Variants in ZNF521 observed in about 807,000 individuals in gnomAD.
ZNF521 encodes LYST-interacting protein 3.
In ZNF521, 14 loss-of-function variants were observed where a neutral mutation model predicts 105.5. The ratio of observed to expected loss-of-function variants is 0.13; its 90% CI spans 0.09 to 0.21. The LOEUF is 0.21. Among genes scored for constraint, ZNF521 ranks in the 10% least tolerant of loss-of-function variants. The pLI, the probability that ZNF521 is intolerant of heterozygous loss-of-function variation, is 1.00. For synonymous variants in ZNF521, 635 were observed against 606.0 expected (o/e 1.05, Z -0.70); for missense variants, 1,233 against 1,629.7 (o/e 0.76, Z 4.19).
intron 5 of ZNF521, among the ~76,000 whole-genome samples, chr18:25,099,823 T>A (rs2033930637): frequency 6.6e-6 from 1 of 152,224 alleles, no homozygotes; most frequent in Non-Finnish European, 1.5e-5. Context: ...TATATTTACC[T>A]TTGAGTACTG....
Position 25,224,738 on chromosome 18 carries a change from G to C in ZNF521, c.3180C>G (p.His1060Gln), listed in dbSNP as rs369504383. ...ATGCGCACTTATACAGTTTTTGGAC[G>C]TGCTGGCCCCGCCCTGTGGTCTGAA... Reference protein sequence around the residue: ...SAVQTTGRGQHVQKLYKCASC... With the variant: ...SAVQTTGRGQQVQKLYKCASC... The change falls in exon 4 of 8, where the codon CAC (histidine) becomes CAG (glutamine). Residue 1060 changes from histidine (H) to glutamine (Q), a missense_variant. Transcript: ENST00000361524. The C allele has an allele frequency of 4.3e-6, 7 of 1,613,912 alleles. No homozygotes were observed. In the East Asian group the frequency reaches 1.6e-4, roughly 36 times the overall value.
At chr18:25,349,227 A>G (rs1914593855) in intron 2 of ZNF521, among the ~76,000 whole-genome samples, 1 of 152,080 alleles carries the variant, frequency 6.6e-6, no homozygotes, top group Non-Finnish European at 1.5e-5. Context: ...GCTCAGCGTT[A>G]CTTTCAAGAA....
intron 7 of ZNF521, among the ~76,000 whole-genome samples, chr18:25,075,256 G>C (rs2033332953): frequency 6.6e-6 from 1 of 152,140 alleles, no homozygotes; most frequent in South Asian, 2.1e-4. Flanking sequence ...ATTTATAAAA[G>C]AATAACTTCA....
intron 7 of ZNF521, among the ~76,000 whole-genome samples, chr18:25,075,139 G>C (rs1246426899): frequency 6.6e-6 from 1 of 152,140 alleles, no homozygotes; most frequent in African/African-American, 2.4e-5. Context: ...TGCATAAAGG[G>C]CCAGGCAACG....
At chr18:25,327,768 A>C (rs1913314304) in intron 2 of ZNF521, 2 of 498,908 alleles carry the variant, frequency 4.0e-6, no homozygotes, top group African/African-American at 3.9e-5. Context: ...CTAATGAAGG[A>C]AGGCAGCATT....
At position 25,347,365 on chromosome 18, in the gene ZNF521, T is replaced by C. The variant is rs946006685; in HGVS notation, c.40+3542A>G. ...ATTCGTACCATAAGGACAGAATAAG[T>C]TTGTCAACTTTGTATGTGGGCTGAT... is the stretch of plus-strand genomic sequence containing the variant. On this transcript the variant is annotated intron_variant, in intron 2 of 7. Coordinates refer to ENST00000361524, the MANE Select transcript of ZNF521 (RefSeq NM_015461.3). Among the ~76,000 whole-genome samples the C allele has an allele frequency of 2.0e-5, 3 of 152,182 alleles. No individual in the cohort carries two copies. The South Asian group carries it at 6.2e-4, about 31-fold the overall frequency.
chr18:25,298,498 T>C (rs1911447798), intron 3 of ZNF521, among the ~76,000 whole-genome samples: 1 of 152,208 alleles, frequency 6.6e-6, no homozygotes, highest in Non-Finnish European at 1.5e-5. Flanking sequence ...TCCTTCCTTC[T>C]TCCTGCCTAT....
At chr18:25,281,516 A>G (rs1910380087) in intron 3 of ZNF521, among the ~76,000 whole-genome samples, 1 of 152,224 alleles carries the variant, frequency 6.6e-6, no homozygotes, top group Non-Finnish European at 1.5e-5. Context: ...GACTTACTCT[A>G]CATAGTAACA....
intron 5 of ZNF521, among the ~76,000 whole-genome samples, chr18:25,170,868 A>G (rs1188734634): frequency 6.6e-6 from 1 of 152,076 alleles, no homozygotes; most frequent in Non-Finnish European, 1.5e-5. Context: ...TGCATTTATG[A>G]GTTAAAAATT....
chr18:25,154,752 C>A (rs1365530878), intron 5 of ZNF521, among the ~76,000 whole-genome samples: 2 of 152,116 alleles, frequency 1.3e-5, no homozygotes, highest in Non-Finnish European at 2.9e-5. Context: ...TAGAAATTGT[C>A]TAGTACACAC....
In ZNF521 at chr18:25,332,058, A is replaced by G. The variant is rs1029526342; in HGVS notation, c.41-9871T>C. On this transcript the variant is annotated intron_variant, in intron 2 of 7. Transcript: ENST00000361524. ...TTTATTTCACCCAGGAACATGAAAA[A>G]ATGTTGGGTTTTTTCTTTCTTTTTC... is the stretch of plus-strand genomic sequence containing the variant. 4.4e-5 allele frequency among the ~76,000 whole-genome samples: 6 copies of G among 135,044 alleles called. No individual in the cohort carries two copies. The East Asian group carries it at 1.2e-3, about 27-fold the overall frequency. The allele number at this position is 135,044 out of a possible 152,430, so 88.6% of individuals were successfully genotyped here. A position where few individuals can be genotyped will look rare whatever the true frequency, so the allele number is the denominator to read the frequency against.
chr18:25,221,650 A>G (rs1384721608), intron 4 of ZNF521, among the ~76,000 whole-genome samples: 2 of 152,252 alleles, frequency 1.3e-5, no homozygotes, highest in African/African-American at 2.4e-5. Context: ...CAATAGACAT[A>G]TATGTCACAT....
In ZNF521 at chr18:25,089,294, T is replaced by C. The variant is rs527579908; in HGVS notation, c.3906+171A>G. Among the ~76,000 whole-genome samples, 2 of 152,286 alleles carry C rather than the reference T, an allele frequency of 1.3e-5. 1 individual carries two copies. Among genetic ancestry groups the C allele is most frequent in the East Asian group, 3.9e-4 (2 of 5,184 alleles). On this transcript the variant is annotated intron_variant, in intron 7 of 7. Coordinates refer to ENST00000361524, the MANE Select transcript of ZNF521 (RefSeq NM_015461.3). The stretch of plus-strand genomic sequence containing the variant: ...TGATTGACAGCAGCCAGAGGCAAAA[T>C]TACTTTGGTGTCTATTAATCCAGGC...
Position 25,062,621 on chromosome 18 carries a change from A to T in ZNF521, c.*91T>A. 1 of 1,437,072 alleles carries T rather than the reference A, an allele frequency of 7.0e-7. No individual in the cohort carries two copies. 89.0% of individuals were successfully genotyped at this position (1,437,072 alleles called of 1,614,324 possible). On this transcript the variant is annotated 3_prime_UTR_variant, in exon 8 of 8. Coordinates refer to ENST00000361524, the MANE Select transcript of ZNF521 (RefSeq NM_015461.3). ...GTACAATACAATGTTTCTGAATAAT[A>T]TACATTAACAATGAAAGTTTCGTGC... is the stretch of plus-strand genomic sequence containing the variant.
chr18:25,083,082 C>T (rs541561837), intron 7 of ZNF521, among the ~76,000 whole-genome samples: 5 of 152,146 alleles, frequency 3.3e-5, no homozygotes, highest in African/African-American at 7.2e-5. Context: ...CCTTGTCTTT[C>T]GTGAAGGGGT....
chr18:25,298,916 T>C (rs1234039380), intron 3 of ZNF521, among the ~76,000 whole-genome samples: 1 of 152,168 alleles, frequency 6.6e-6, no homozygotes, highest in African/African-American at 2.4e-5. Flanking sequence ...AGAGTGACCA[T>C]GCCCCAAAAC....
At chr18:25,250,834 T>C (rs1277123790) in intron 3 of ZNF521, among the ~76,000 whole-genome samples, 1 of 152,226 alleles carries the variant, frequency 6.6e-6, no homozygotes, top group African/African-American at 2.4e-5. Context: ...ATCATGTCTC[T>C]CCATTTGGTT....
At chr18:25,177,384 C>A (rs2035552624) in intron 5 of ZNF521, among the ~76,000 whole-genome samples, 1 of 152,108 alleles carries the variant, frequency 6.6e-6, no homozygotes, top group Non-Finnish European at 1.5e-5. Context: ...TGGTATCACA[C>A]AAATCAATCA....
chr18:25,220,587 G>A (rs1047683854), intron 4 of ZNF521, among the ~76,000 whole-genome samples: 4 of 152,152 alleles, frequency 2.6e-5, no homozygotes, highest in Non-Finnish European at 5.9e-5. Context: ...TAAAGTGGCT[G>A]AGTCAGATGG....
Sources: gnomAD v4.1 joint callset for allele counts (sites outside exome capture counted in the v4.1 genomes callset) on GRCh38, gnomAD v4.1.1 for gene constraint, MANE v1.5 for transcripts, NCBI Gene and HGNC (gene_info 2026-07-23, HGNC 2026-07-21) for gene names.